The following EPB41 variants were observed in gnomAD, a reference collection of about 807,000 sequenced individuals.
The protein encoded by EPB41 is protein 4.1.
EPB41 carries 65 observed loss-of-function variants against 108.0 expected under a neutral mutation model. The observed-to-expected ratio is 0.60, with a 90% CI of 0.49 to 0.74. The LOEUF (loss-of-function observed/expected upper bound fraction) is 0.74, where lower values mean the gene tolerates loss of function less well. Ranked by LOEUF, EPB41 falls within the 30% of genes least tolerant of loss-of-function variation. The pLI, the probability that EPB41 is intolerant of heterozygous loss-of-function variation, is 0.00. For missense variants in EPB41, 875 were observed against 1,037.0 expected, an observed-to-expected ratio of 0.84 and a Z score of 2.15; for synonymous variants, 336 against 358.9, an observed-to-expected ratio of 0.94 and a Z score of 0.72.
At chr1:28,994,429 C>T (rs926606134) in intron 3 of EPB41, among the ~76,000 whole-genome samples, 1 of 152,002 alleles carries the variant, frequency 6.6e-6, no homozygotes, top group African/African-American at 2.4e-5. Context: ...CCTCGGCCTC[C>T]CAAAGTGCTG....
Position 29,074,393 on chromosome 1 carries a change from TACA to T in EPB41, c.2184+9241_2184+9243del, listed in dbSNP as rs555243134. Among the ~76,000 whole-genome samples, 24 of 152,352 alleles carry T rather than the reference TACA, an allele frequency of 1.6e-4. No homozygotes were observed. In the East Asian group the frequency reaches 2.5e-3, roughly 16 times the overall value. ...CGTTTGTAATATTGGTACTAGAAAC[TACA>T]ACAACTTCTTATTAATCTGTTTTGT... is the stretch of plus-strand genomic sequence containing the variant. On this transcript the variant is annotated intron_variant, in intron 16 of 20. Transcript: ENST00000343067.
At chr1:28,980,602 A>C (rs537875108) in intron 1 of EPB41, among the ~76,000 whole-genome samples, 1 of 151,688 alleles carries the variant, frequency 6.6e-6, no homozygotes, top group Admixed American at 6.6e-5. Context: ...CTGTAGTTCC[A>C]GCTACTTGGG....
intron 1 of EPB41, among the ~76,000 whole-genome samples, chr1:28,937,366 T>G (rs2094078001): frequency 6.6e-6 from 1 of 152,248 alleles, no homozygotes; most frequent in Non-Finnish European, 1.5e-5. Context: ...TCCACTTTTC[T>G]GACGCATTTT....
At chr1:29,070,544 C>T in intron 16 of EPB41, 1 of 1,232,102 alleles carries the variant, frequency 8.1e-7, no homozygotes, top group South Asian at 4.1e-5. Context: ...TTTTCCATCT[C>T]CTCGTATTCC....
intron 9 of EPB41, 100 bp downstream of exon 9, chr1:29,033,345 T>C: frequency 7.4e-7 from 1 of 1,359,654 alleles, no homozygotes; most frequent in East Asian, 2.3e-5. Context: ...GAAGTCTCTC[T>C]ATAGTTAACT....
At chr1:28,934,614 TC>T (rs2093904204) in intron 1 of EPB41, among the ~76,000 whole-genome samples, 1 of 151,516 alleles carries the variant, frequency 6.6e-6, no homozygotes, top group Non-Finnish European at 1.5e-5. Flanking sequence ...CTCAAATTGT[TC>T]CAGCTTTGGC....
chr1:29,090,616 G>A (rs963164034), intron 16 of EPB41, among the ~76,000 whole-genome samples: 3 of 152,176 alleles, frequency 2.0e-5, no homozygotes, highest in Non-Finnish European at 4.4e-5. Flanking sequence ...CGGGCGCGAT[G>A]GCAAATGCCT....
intron 1 of EPB41, among the ~76,000 whole-genome samples, chr1:28,904,229 T>TGGCTGTTA (rs2091577837): frequency 6.6e-6 from 1 of 150,670 alleles, no homozygotes; most frequent in African/African-American, 2.4e-5. Context: ...ATCATAATGA[T>TGGCTGTTA]GGCTGTTATT....
At chr1:29,099,518 A>C (rs529028301) in intron 17 of EPB41, among the ~76,000 whole-genome samples, 1 of 152,154 alleles carries the variant, frequency 6.6e-6, no homozygotes, top group African/African-American at 2.4e-5. Context: ...ATATTTTACC[A>C]TGTTGCCCTG....
At chr1:28,890,866 C>A (rs1463199775) in intron 1 of EPB41, 2 of 964,160 alleles carry the variant, frequency 2.1e-6, no homozygotes, top group Non-Finnish European at 2.5e-6. Flanking sequence ...GCCTCCACCC[C>A]ACGGGTACTG....
rs1027836857 is a variant in EPB41, at chr1:28,887,767, G to A, written c.-8+557G>A. On this transcript the variant is annotated intron_variant, in intron 1 of 16. Transcript: ENST00000347529. This position sits in a 1 kb window ranked among gnomAD's most constrained non-coding sequence, Gnocchi z 4.9. ...CTGGGGCGCCGGCTGTGCCCGCCAGGGTGGCCCCCCCGGCCGTCGCGCCAG... is the reference window on the plus strand; with the variant it reads ...CTGGGGCGCCGGCTGTGCCCGCCAGAGTGGCCCCCCCGGCCGTCGCGCCAG... The A allele has an allele frequency of 9.2e-6, 8 of 871,316 alleles. No individual in the cohort carries two copies. The highest frequency in any genetic ancestry group is 1.8e-5 in the African/African-American group (1 of 55,070). 54.0% of individuals were successfully genotyped at this position (871,316 alleles called of 1,614,324 possible). A position where few individuals can be genotyped will look rare whatever the true frequency, so the allele number is the denominator to read the frequency against.
chr1:28,967,065 C>T (rs2095374215), intron 1 of EPB41, among the ~76,000 whole-genome samples: 1 of 125,076 alleles, frequency 8.0e-6, no homozygotes. Context: ...GTCGCCCAGG[C>T]TGGAGTGCAG....
At chr1:28,913,223 C>T (rs562860473), upstream of EPB41, among the ~76,000 whole-genome samples, 52 of 152,120 alleles carry the variant, frequency 3.4e-4, no homozygotes, top group Non-Finnish European at 3.2e-4. Context: ...CCGAGAAGGG[C>T]GGATCACGAG....
At position 29,063,803 on chromosome 1, in the gene EPB41, T is replaced by C. The variant is rs144250079; in HGVS notation, c.2008-1179T>C. Among the ~76,000 whole-genome samples the C allele has an allele frequency of 4.3e-3, 653 of 152,328 alleles. 5 individuals are homozygous for C. Among genetic ancestry groups the C allele is most frequent in the Middle Eastern group, 0.014 (4 of 294 alleles). ...CTCCCACATGTTTTGATCTCAAGCATAGATCTTTTAAGGTTTTTTGAAGTA... is the reference window on the plus strand; with the variant it reads ...CTCCCACATGTTTTGATCTCAAGCACAGATCTTTTAAGGTTTTTTGAAGTA... On this transcript the variant is annotated intron_variant, in intron 15 of 20. Transcript: ENST00000343067.
At chr1:28,903,739 A>C (rs2091516540) in intron 1 of EPB41, among the ~76,000 whole-genome samples, 1 of 152,144 alleles carries the variant, frequency 6.6e-6, no homozygotes, top group Non-Finnish European at 1.5e-5. Context: ...GTTGGCACAT[A>C]TTAGCTCCAC....
At chr1:29,095,180 G>C (rs1662770469) in intron 16 of EPB41, among the ~76,000 whole-genome samples, 1 of 152,200 alleles carries the variant, frequency 6.6e-6, no homozygotes, top group African/African-American at 2.4e-5. Flanking sequence ...CCTGTGGAGT[G>C]AGGTATTTGG....
intron 1 of EPB41, among the ~76,000 whole-genome samples, chr1:28,927,539 G>A (rs1221293805): frequency 6.6e-6 from 1 of 152,154 alleles, no homozygotes; most frequent in Non-Finnish European, 1.5e-5. Context: ...CATACTGAAT[G>A]CTAGCTATGT....
intron 1 of EPB41, among the ~76,000 whole-genome samples, chr1:28,963,833 GCA>G (rs1460454536): frequency 2.0e-5 from 3 of 152,150 alleles, no homozygotes; most frequent in Non-Finnish European, 4.4e-5. Context: ...ATGACTTTTA[GCA>G]CATTTAAACT....
At chr1:28,925,320 C>T (rs1279548790) in intron 1 of EPB41, among the ~76,000 whole-genome samples, 1 of 152,006 alleles carries the variant, frequency 6.6e-6, no homozygotes, top group Admixed American at 6.6e-5. Flanking sequence ...ATATGTTGCC[C>T]ATTTTGGTCT....
Sources: allele counts gnomAD v4.1 joint callset (sites outside exome capture counted in the v4.1 genomes callset), GRCh38; gene constraint gnomAD v4.1.1; non-coding constraint Gnocchi (gnomAD v3.1); transcripts MANE v1.5; gene names NCBI Gene and HGNC (gene_info 2026-07-23, HGNC 2026-07-21).